ATP6V1C2: variants seen among roughly 807,000 people sequenced by gnomAD.
The protein encoded by ATP6V1C2 is ATPase H+ transporting V1 subunit C2.
A neutral mutation model predicts 56.8 loss-of-function variants in ATP6V1C2; 45 were observed. That is an observed-to-expected ratio of 0.79 (90% CI 0.62 to 1.02). The LOEUF is 1.02. Among genes scored for constraint, ATP6V1C2 ranks in the 50% least tolerant of loss-of-function variants. The pLI, the probability that ATP6V1C2 is intolerant of heterozygous loss-of-function variation, is 0.00. For missense variants in ATP6V1C2, 463 were observed against 519.7 expected (o/e 0.89, Z 1.06); for synonymous variants, 220 against 201.3 (o/e 1.09, Z -0.79).
chr2:10,733,072 A>G (rs1402039168), intron 3 of ATP6V1C2, among the ~76,000 whole-genome samples: 1 of 152,230 alleles, frequency 6.6e-6, no homozygotes, highest in East Asian at 1.9e-4. Flanking sequence ...TTTCTAAACA[A>G]TAAGGACTAG....
intron 3 of ATP6V1C2, among the ~76,000 whole-genome samples, chr2:10,730,880 C>T (rs924980605): frequency 2.0e-5 from 3 of 151,862 alleles, no homozygotes; most frequent in South Asian, 2.1e-4. Flanking sequence ...CTCAAACTCC[C>T]GATCTCAGGT....
intron 10 of ATP6V1C2, among the ~76,000 whole-genome samples, chr2:10,777,216 C>A (rs1015698383): frequency 6.6e-6 from 1 of 152,234 alleles, no homozygotes. Flanking sequence ...CATGGTGGAG[C>A]CACCTTGACA....
At position 10,785,022 on chromosome 2, in the gene ATP6V1C2, G is replaced by A. The variant is rs1310266237; in HGVS notation, c.*1759G>A. 10 of 1,576,730 alleles carry A rather than the reference G, an allele frequency of 6.3e-6. No homozygotes were observed. The East Asian group carries it at 2.1e-4, about 33-fold the overall frequency. ...AGGTGCCGTGGAGCCACGCCCAAAA[G>A]AGAGCTCCCTTAGGGAAAAATGACC... On this transcript the variant is annotated 3_prime_UTR_variant, in exon 14 of 14. Coordinates refer to ENST00000272238, the MANE Select transcript of ATP6V1C2 (RefSeq NM_001039362.2).
In ATP6V1C2 at chr2:10,745,028, GTTTA is replaced by G. The variant is rs768608342; in HGVS notation, c.198-8945_198-8942del. Among the ~76,000 whole-genome samples, 293 of 114,482 alleles carry G rather than the reference GTTTA, an allele frequency of 2.6e-3. 4 individuals carry two copies. Among genetic ancestry groups the G allele is most frequent in the Middle Eastern group, 0.022 (4 of 180 alleles). 75.1% of individuals were successfully genotyped at this position (114,482 alleles called of 152,430 possible). ...GTATTTTTATCATTTATTACCATTT[GTTTA>G]TTTATTTTCTTTTTTTTTTTTTTTT... On this transcript the variant is annotated intron_variant, in intron 3 of 13. Transcript: ENST00000272238.
In ATP6V1C2 at chr2:10,772,986, C is replaced by T. The variant is rs112619215; in HGVS notation, c.638+376C>T. On this transcript the variant is annotated intron_variant, in intron 8 of 13. Coordinates refer to ENST00000272238, the MANE Select transcript of ATP6V1C2 (RefSeq NM_001039362.2). ...GTGGCTGCCCAGTGAACGGCCACAG[C>T]GGGAGCCGGGAGGGAAAGCGGCCTC... Among the ~76,000 whole-genome samples the T allele has an allele frequency of 2.3e-3, 348 of 152,348 alleles. 1 individual carries two copies. The highest frequency in any genetic ancestry group is 7.4e-3 in the African/African-American group (309 of 41,586).
At chr2:10,754,993 G>A (rs1195923129) in intron 4 of ATP6V1C2, among the ~76,000 whole-genome samples, 2 of 151,730 alleles carry the variant, frequency 1.3e-5, no homozygotes, top group Non-Finnish European at 2.9e-5. Flanking sequence ...TCAGCCTCTC[G>A]CTCACCAACA....
chr2:10,722,247 G>A (rs906633555), intron 1 of ATP6V1C2, among the ~76,000 whole-genome samples: 2 of 152,102 alleles, frequency 1.3e-5, no homozygotes, highest in African/African-American at 4.8e-5. Context: ...ACTGCTGAGC[G>A]GGCACCTCGC....
At chr2:10,759,829 C>A (rs1663794122) in intron 4 of ATP6V1C2, among the ~76,000 whole-genome samples, 1 of 152,102 alleles carries the variant, frequency 6.6e-6, no homozygotes, top group South Asian at 2.1e-4. Context: ...CTCACAATAT[C>A]ACTTTGCTCA....
intron 3 of ATP6V1C2, among the ~76,000 whole-genome samples, chr2:10,738,822 A>G (rs1290720188): frequency 6.6e-6 from 1 of 152,174 alleles, no homozygotes; most frequent in Non-Finnish European, 1.5e-5. Flanking sequence ...GCTCAAGCAG[A>G]CAGTCTGGGC....
intron 2 of ATP6V1C2, among the ~76,000 whole-genome samples, 187 bp downstream of exon 2, chr2:10,723,165 C>T (rs962860907): frequency 5.3e-5 from 8 of 152,054 alleles, no homozygotes; most frequent in Non-Finnish European, 1.2e-4. Context: ...GCCATAGTCC[C>T]AAATAAATTG....
At chr2:10,731,397 A>G (rs1661944828) in intron 3 of ATP6V1C2, among the ~76,000 whole-genome samples, 1 of 152,252 alleles carries the variant, frequency 6.6e-6, no homozygotes, top group Admixed American at 6.5e-5. Context: ...TTAATATCCA[A>G]GAAAAAGTGA....
chr2:10,736,914 T>A (rs1485001912), intron 3 of ATP6V1C2, among the ~76,000 whole-genome samples: 1 of 150,856 alleles, frequency 6.6e-6, no homozygotes, highest in East Asian at 2.0e-4. Flanking sequence ...GCACAACTAA[T>A]AGTTTATATT....
chr2:10,755,905 T>A (rs1663529004), intron 4 of ATP6V1C2, among the ~76,000 whole-genome samples: 1 of 152,260 alleles, frequency 6.6e-6, no homozygotes, highest in South Asian at 2.1e-4. Flanking sequence ...ATTCCAGTGA[T>A]GTTTTGGCCC....
In ATP6V1C2 at chr2:10,783,313, A is replaced by G; in HGVS notation, c.*50A>G. 1 of 1,246,298 alleles carries G rather than the reference A, an allele frequency of 8.0e-7. No homozygotes were observed. Among genetic ancestry groups the G allele is most frequent in the Non-Finnish European group, 1.2e-6 (1 of 849,550 alleles). 77.2% of individuals were successfully genotyped at this position (1,246,298 alleles called of 1,614,324 possible). ...CATGTTCGTGCAGATTATTACAGACACCTCTTTCCTTTAGCCAGAGAATGG... is the reference window on the plus strand; with the variant it reads ...CATGTTCGTGCAGATTATTACAGACGCCTCTTTCCTTTAGCCAGAGAATGG... On this transcript the variant is annotated 3_prime_UTR_variant, in exon 14 of 14. Transcript: ENST00000272238.
At position 10,782,829 on chromosome 2, in the gene ATP6V1C2, C is replaced by CAAAAAAAA. The variant is rs60533807; in HGVS notation, c.1195-318_1195-311dup. Among the ~76,000 whole-genome samples the CAAAAAAAA allele has an allele frequency of 9.6e-4, 50 of 52,216 alleles. 1 individual carries two copies. The highest frequency in any genetic ancestry group is 2.8e-3 in the African/African-American group (45 of 15,850). The allele number at this position is 52,216 out of a possible 152,430, so 34.3% of individuals were successfully genotyped here. ...CTGGCGACAGAACAAGACTCTGTCT[C>CAAAAAAAA]AAAAAAAAAAAAAAAAAAAAAAAAA... On this transcript the variant is annotated intron_variant, in intron 13 of 13. Transcript: ENST00000272238.
chr2:10,759,729 A>G (rs1357853747), intron 4 of ATP6V1C2, among the ~76,000 whole-genome samples: 5 of 151,852 alleles, frequency 3.3e-5, no homozygotes, highest in Non-Finnish European at 5.9e-5. Flanking sequence ...CTGTAATCCC[A>G]GCACTTTGGG....
chr2:10,764,215 G>C, intron 4 of ATP6V1C2, 116 bp from the exon 5 acceptor site: 1 of 883,162 alleles, frequency 1.1e-6, no homozygotes, highest in Admixed American at 2.0e-5. Context: ...GCCCGCCGGC[G>C]TTGCCCATGA....
chr2:10,740,316 A>G (rs891600593), intron 3 of ATP6V1C2, among the ~76,000 whole-genome samples: 6 of 152,300 alleles, frequency 3.9e-5, no homozygotes, highest in African/African-American at 7.2e-5. Context: ...GAGAGTAAAC[A>G]TATTTTCAAG....
intron 12 of ATP6V1C2, 138 bp downstream of exon 12, chr2:10,778,807 GC>G (rs1352207912): frequency 1.3e-6 from 1 of 767,312 alleles, no homozygotes; most frequent in African/African-American, 1.7e-5. Flanking sequence ...TTGGCAACAC[GC>G]TCAATTCCGA....
Sources: allele counts gnomAD v4.1 joint callset (sites outside exome capture counted in the v4.1 genomes callset), GRCh38; gene constraint gnomAD v4.1.1; transcripts MANE v1.5; gene names NCBI Gene and HGNC (gene_info 2026-07-23, HGNC 2026-07-21).